The following TWIST2 variants were observed in gnomAD, a reference collection of about 807,000 sequenced individuals.
The protein encoded by TWIST2 is twist-related protein 2.
Under a neutral mutation model 11.6 loss-of-function variants are expected in TWIST2, and 1 was observed. That is an observed-to-expected ratio of 0.09 (90% CI 0.03 to 0.41). The LOEUF is 0.41. TWIST2 is among the 10% of genes least tolerant of loss of function. The pLI, the probability that TWIST2 is intolerant of heterozygous loss-of-function variation, is 0.98. For synonymous variants in TWIST2, 87 were observed against 96.6 expected (o/e 0.90, Z 0.58); for missense variants, 168 against 226.4 (o/e 0.74, Z 1.66).
At chr2:238,898,840 C>G (rs1693237015) in intron 1 of TWIST2, among the ~76,000 whole-genome samples, 1 of 152,272 alleles carries the variant, frequency 6.6e-6, no homozygotes, top group Non-Finnish European at 1.5e-5. Flanking sequence ...ATCTTGTGGC[C>G]TTTCTGTCTG....
At chr2:238,853,303 G>A (rs761373152) in intron 1 of TWIST2, among the ~76,000 whole-genome samples, 9 of 151,606 alleles carry the variant, frequency 5.9e-5, no homozygotes, top group Admixed American at 1.3e-4. Flanking sequence ...AAAATTATTC[G>A]CCAAGAAGTA....
intron 1 of TWIST2, among the ~76,000 whole-genome samples, chr2:238,868,112 C>T (rs968600223): frequency 6.6e-6 from 1 of 152,228 alleles, no homozygotes; most frequent in Admixed American, 6.5e-5. Context: ...CAGTGCCCCA[C>T]AAAGGTGGCA....
rs1426515741 is a variant in TWIST2, at chr2:238,848,786, G to A, written c.*35+53G>A. 2.3e-6 allele frequency: 3 copies of A among 1,292,950 alleles called. No homozygotes were observed. In the East Asian group the frequency reaches 9.6e-5, roughly 41 times the overall value. 80.1% of individuals were successfully genotyped at this position (1,292,950 alleles called of 1,614,324 possible). A position where few individuals can be genotyped will look rare whatever the true frequency, so the allele number is the denominator to read the frequency against. Reference sequence around the variant, plus strand: ...CTCCGCTGCGGGGGGCGGGCGGCAGGGGCGCAGGGGCATTGGGGCCTGCTC... The same window carrying A: ...CTCCGCTGCGGGGGGCGGGCGGCAGAGGCGCAGGGGCATTGGGGCCTGCTC... On this transcript the variant is annotated intron_variant, in intron 1 of 1. Coordinates refer to ENST00000612363, the MANE Select transcript of TWIST2 (RefSeq NM_001271893.4).
At chr2:238,909,384 C>A (rs1693415004) in intron 1 of TWIST2, among the ~76,000 whole-genome samples, 1 of 152,128 alleles carries the variant, frequency 6.6e-6, no homozygotes, top group Admixed American at 6.5e-5. Flanking sequence ...CATTTCTCTG[C>A]GTCCTCCTCG....
intron 1 of TWIST2, among the ~76,000 whole-genome samples, chr2:238,871,673 C>T (rs1200884300): frequency 1.4e-5 from 2 of 139,768 alleles, no homozygotes; most frequent in Non-Finnish European, 3.1e-5. Context: ...CACCATCACC[C>T]CCCCCCAACA....
intron 1 of TWIST2, among the ~76,000 whole-genome samples, chr2:238,880,199 G>T (rs1419536641): frequency 6.6e-6 from 1 of 151,818 alleles, no homozygotes; most frequent in Non-Finnish European, 1.5e-5. Flanking sequence ...TGGTATTGGT[G>T]TTACTGTTAG....
At position 238,906,723 on chromosome 2, in the gene TWIST2, A is replaced by G. The variant is rs1024954236; in HGVS notation, c.*36-3119A>G. On this transcript the variant is annotated intron_variant, in intron 1 of 1. Coordinates refer to ENST00000612363, the MANE Select transcript of TWIST2 (RefSeq NM_001271893.4). ...CCTCCAGCTTCCACATCCTCCCCCC[A>G]GTGCCTGGGGCCTCCCTGGACCTCC... is the stretch of plus-strand genomic sequence containing the variant. Among the ~76,000 whole-genome samples, 40 of 151,766 alleles carry G rather than the reference A, an allele frequency of 2.6e-4. 1 individual carries two copies. The highest frequency in any genetic ancestry group is 5.3e-4 in the Non-Finnish European group (36 of 67,908).
At chr2:238,886,963 T>G (rs1693048689) in intron 1 of TWIST2, 1 of 152,166 alleles carries the variant, frequency 6.6e-6, no homozygotes, top group Admixed American at 6.5e-5. Flanking sequence ...ACAAGAGGAC[T>G]TTGGGGAAAG....
chr2:238,873,654 T>G (rs1692751789), intron 1 of TWIST2, among the ~76,000 whole-genome samples: 1 of 152,130 alleles, frequency 6.6e-6, no homozygotes. Flanking sequence ...CGAGCGCTCC[T>G]CCCTGTGCCC....
chr2:238,907,181 T>A lies in TWIST2; in HGVS notation c.*36-2661T>A, dbSNP rs990549203. Reference sequence around the variant, plus strand: ...GGCGCGGCGCGGGGCCCACCTGTGTTCGCCACACTCCCGACCAGGTGCTGA... The same window carrying A: ...GGCGCGGCGCGGGGCCCACCTGTGTACGCCACACTCCCGACCAGGTGCTGA... On this transcript the variant is annotated intron_variant, in intron 1 of 1. Coordinates refer to ENST00000612363, the MANE Select transcript of TWIST2 (RefSeq NM_001271893.4). Among the ~76,000 whole-genome samples the A allele has an allele frequency of 5.1e-4, 78 of 152,258 alleles. No individual in the cohort carries two copies. In the East Asian group the frequency reaches 0.015, roughly 28 times the overall value.
At chr2:238,905,933 G>A (rs1158690326) in intron 1 of TWIST2, among the ~76,000 whole-genome samples, 5 of 103,770 alleles carry the variant, frequency 4.8e-5, no homozygotes, top group East Asian at 3.0e-4. Context: ...GTGCGTGTGC[G>A]CGTGTGTGTG....
intron 1 of TWIST2, among the ~76,000 whole-genome samples, chr2:238,888,233 T>A (rs1693075718): frequency 1.3e-5 from 2 of 152,264 alleles, no homozygotes; most frequent in African/African-American, 4.8e-5. Flanking sequence ...ATTTGAATTC[T>A]TATCTTTGGC....
intron 1 of TWIST2, among the ~76,000 whole-genome samples, chr2:238,871,678 C>A (rs1692706940): frequency 7.1e-6 from 1 of 140,790 alleles, no homozygotes; most frequent in South Asian, 2.4e-4. Context: ...TCACCCCCCC[C>A]CAACACACAC....
At chr2:238,904,446 G>T (rs1301521496) in intron 1 of TWIST2, among the ~76,000 whole-genome samples, 1 of 151,254 alleles carries the variant, frequency 6.6e-6, no homozygotes, top group East Asian at 1.9e-4. Context: ...GTGATGTGGG[G>T]TATGTGTGGG....
intron 1 of TWIST2, among the ~76,000 whole-genome samples, chr2:238,886,428 A>T (rs2106367433): frequency 6.6e-6 from 1 of 152,234 alleles, no homozygotes; most frequent in East Asian, 1.9e-4. Context: ...CCTCGTACAC[A>T]GTATGAGGGA....
chr2:238,848,135 T>C lies in TWIST2; in HGVS notation c.-81T>C. On this transcript the variant is annotated 5_prime_UTR_variant, in exon 1 of 2. Coordinates refer to ENST00000612363, the MANE Select transcript of TWIST2 (RefSeq NM_001271893.4). ...CCTTTCCAGCAACTCCGAGAGCGTG[T>C]GCTCGGCGACCGCGGGCTTGGCCAG... 1 of 1,110,016 alleles carries C rather than the reference T, an allele frequency of 9.0e-7. No homozygotes were observed. The highest frequency in any genetic ancestry group is 1.1e-6 in the Non-Finnish European group (1 of 901,756). The allele number at this position is 1,110,016 out of a possible 1,614,324, so 68.8% of individuals were successfully genotyped here.
chr2:238,870,258 ACAAGCCACACACC>A lies in TWIST2; in HGVS notation c.*35+21527_*35+21539del. Among the ~76,000 whole-genome samples the A allele has an allele frequency of 6.6e-4, 5 of 7,536 alleles. 2 individuals carry two copies. Among genetic ancestry groups the A allele is most frequent in the South Asian group, 3.3e-3 (1 of 302 alleles). The allele number at this position is 7,536 out of a possible 152,430, so 4.9% of individuals were successfully genotyped here. A position where few individuals can be genotyped will look rare whatever the true frequency, so the allele number is the denominator to read the frequency against. On this transcript the variant is annotated intron_variant, in intron 1 of 1. Transcript: ENST00000612363. Reference sequence around the variant, plus strand: ...CACACACAAACCACACACCCCACACACAAGCCACACACCCCACACACACATCACATACCACACA... The same window carrying A: ...CACACACAAACCACACACCCCACACACCACACACACATCACATACCACACA...
rs1574742315 is a variant in TWIST2 at position 238,848,356 on chromosome 2, G to A, written c.141G>A (p.Pro47=). ...CGAGCGAAGATGGCAGCCCGACCCCGGGCAAGCGCGGCAAGAAGGGCAGCC... is the reference window on the plus strand; with the variant it reads ...CGAGCGAAGATGGCAGCCCGACCCCAGGCAAGCGCGGCAAGAAGGGCAGCC... ...KKSSEDGSPT[P]GKRGKKGSPS... is the part of the protein sequence containing the mutation. The change falls in exon 1 of 2, where the codon CCG becomes CCA. Residue 47 remains proline (P), a synonymous_variant. Coordinates refer to ENST00000612363, the MANE Select transcript of TWIST2 (RefSeq NM_001271893.4). 26 of 1,534,628 alleles carry A rather than the reference G, an allele frequency of 1.7e-5. No homozygotes were observed. The highest frequency in any genetic ancestry group is 2.2e-5 in the Non-Finnish European group (25 of 1,145,976).
intron 1 of TWIST2, among the ~76,000 whole-genome samples, chr2:238,893,726 C>T (rs1490378076): frequency 6.6e-6 from 1 of 152,238 alleles, no homozygotes; most frequent in Non-Finnish European, 1.5e-5. Context: ...GCGCCGATCG[C>T]CGGCCGCCAT....
Sources: allele counts gnomAD v4.1 joint callset (sites outside exome capture counted in the v4.1 genomes callset), GRCh38; gene constraint gnomAD v4.1.1; transcripts MANE v1.5; gene names NCBI Gene and HGNC (gene_info 2026-07-23, HGNC 2026-07-21).